The following ZBTB2 variants were observed in gnomAD, a reference collection of about 807,000 sequenced individuals.
ZBTB2 encodes zinc finger and BTB domain-containing protein 2.
Under a neutral mutation model 39.5 loss-of-function variants are expected in ZBTB2, and 2 were observed. The observed-to-expected ratio is 0.05, with a 90% CI of 0.02 to 0.16. The LOEUF (loss-of-function observed/expected upper bound fraction) is 0.16, where lower values mean the gene tolerates loss of function less well. Among genes scored for constraint, ZBTB2 ranks in the 10% least tolerant of loss-of-function variants. ZBTB2 has a pLI of 1.00. For synonymous variants in ZBTB2, 251 were observed against 256.6 expected (o/e 0.98, Z 0.21); for missense variants, 391 against 653.0 (o/e 0.60, Z 4.37).
intron 1 of ZBTB2, among the ~76,000 whole-genome samples, chr6:151,374,025 C>T (rs569464168): frequency 6.6e-6 from 1 of 152,084 alleles, no homozygotes; most frequent in South Asian, 2.1e-4. Context: ...CTTGGACCAT[C>T]GAGTCTTTTA....
intron 1 of ZBTB2, among the ~76,000 whole-genome samples, chr6:151,390,424 C>G (rs1253741022): frequency 1.3e-5 from 2 of 150,442 alleles, no homozygotes; most frequent in Admixed American, 1.3e-4. Context: ...ACGCTCGCCG[C>G]TTCCCTCAGT....
intron 1 of ZBTB2, among the ~76,000 whole-genome samples, chr6:151,389,484 C>G (rs977671150): frequency 2.6e-5 from 4 of 152,190 alleles, no homozygotes; most frequent in Non-Finnish European, 4.4e-5. Flanking sequence ...TACAACTCGC[C>G]CTGGTGCTCC....
At chr6:151,377,415 C>T (rs1778937789) in intron 1 of ZBTB2, among the ~76,000 whole-genome samples, 1 of 149,976 alleles carries the variant, frequency 6.7e-6, no homozygotes, top group African/African-American at 2.5e-5. Flanking sequence ...GTTGCCCAGG[C>T]TGGAGTGCAA....
intron 1 of ZBTB2, among the ~76,000 whole-genome samples, chr6:151,390,750 ATCCCTCCCCTCCCCCTCCCTCC>A (rs1204462525): frequency 3.3e-5 from 5 of 150,442 alleles, no homozygotes; most frequent in African/African-American, 4.9e-5. Context: ...GTCGGACCGG[ATCCCTCCCCTCCCCCTCCCTCC>A]TCCCTCCCCT....
intron 2 of ZBTB2, among the ~76,000 whole-genome samples, chr6:151,367,915 G>A (rs923713932): frequency 1.3e-4 from 20 of 152,080 alleles, no homozygotes; most frequent in African/African-American, 4.6e-4. Flanking sequence ...CCAGACCATC[G>A]GTAGTAACAA....
intron 1 of ZBTB2, among the ~76,000 whole-genome samples, chr6:151,378,986 T>C (rs542270751): frequency 1.3e-5 from 2 of 152,336 alleles, no homozygotes; most frequent in East Asian, 3.9e-4. Flanking sequence ...ACCAGTACAT[T>C]CAATAAGTAG....
chr6:151,385,675 A>AT (rs1279848630), intron 1 of ZBTB2, among the ~76,000 whole-genome samples: 2 of 152,202 alleles, frequency 1.3e-5, no homozygotes, highest in African/African-American at 4.8e-5. Flanking sequence ...GAATATTGTA[A>AT]TTCAAAGGAC....
Position 151,365,203 on chromosome 6 carries a change from G to T in ZBTB2, c.*318C>A. ...AGTCATAATTTTAGCTTACCAAATT[G>T]GATTCCAGTTGTTTTATTATATACC... is the stretch of plus-strand genomic sequence containing the variant. On this transcript the variant is annotated 3_prime_UTR_variant, in exon 3 of 3. Coordinates refer to ENST00000325144, the MANE Select transcript of ZBTB2 (RefSeq NM_020861.3). The surrounding 1 kb of genome is among the most constrained non-coding windows in gnomAD (Gnocchi z 5.6). 4.8e-6 allele frequency: 1 copy of T among 209,360 alleles called. No homozygotes were observed. Among genetic ancestry groups the T allele is most frequent in the Non-Finnish European group, 9.7e-6 (1 of 102,958 alleles). 13.0% of individuals were successfully genotyped at this position (209,360 alleles called of 1,614,324 possible).
chr6:151,386,958 G>A (rs906219811), intron 1 of ZBTB2, among the ~76,000 whole-genome samples: 2 of 152,160 alleles, frequency 1.3e-5, no homozygotes, highest in African/African-American at 4.8e-5. Flanking sequence ...ATAACAAAGT[G>A]GTGTCTTTTT....
rs1266667865 is a variant in ZBTB2, at chr6:151,365,515, T to C, written c.*6A>G. The C allele has an allele frequency of 6.3e-7, 1 of 1,588,312 alleles. No individual in the cohort carries two copies. Among genetic ancestry groups the C allele is most frequent in the Admixed American group, 1.9e-5 (1 of 54,024 alleles). The stretch of plus-strand genomic sequence containing the variant: ...AATGAGAGTTTTTTAAAAAGATAAG[T>C]GACATTCAGTCTAGTAAGACGGTTT... On this transcript the variant is annotated 3_prime_UTR_variant, in exon 3 of 3. Transcript: ENST00000325144. The surrounding 1 kb of genome is among the most constrained non-coding windows in gnomAD (Gnocchi z 5.6).
intron 1 of ZBTB2, among the ~76,000 whole-genome samples, chr6:151,385,246 T>G (rs117679558): frequency 3.1e-3 from 472 of 152,322 alleles, no homozygotes; most frequent in Admixed American, 5.3e-3. Context: ...GACATACTCA[T>G]GTTGAAAAAA....
chr6:151,384,586 ACTT>A (rs1282057131), intron 1 of ZBTB2, among the ~76,000 whole-genome samples: 4 of 152,080 alleles, frequency 2.6e-5, no homozygotes, highest in African/African-American at 9.7e-5. Flanking sequence ...GACTTCCTAG[ACTT>A]CTTATTTGTA....
intron 1 of ZBTB2, among the ~76,000 whole-genome samples, chr6:151,380,911 C>T (rs1171286970): frequency 1.3e-5 from 2 of 152,160 alleles, no homozygotes; most frequent in Admixed American, 1.3e-4. Context: ...TCCCTGTCCT[C>T]TCACTGCCAT....
intron 1 of ZBTB2, among the ~76,000 whole-genome samples, chr6:151,390,128 C>A (rs1490688421): frequency 1.3e-5 from 2 of 152,026 alleles, no homozygotes; most frequent in African/African-American, 4.8e-5. Context: ...GCGCGTCGGG[C>A]GGAAGCTGGA....
intron 1 of ZBTB2, among the ~76,000 whole-genome samples, chr6:151,373,870 A>AAAAAAAAAAAAAAAAAAAAAAACAAAAC (rs1778843577): frequency 7.3e-5 from 9 of 123,562 alleles, no homozygotes; most frequent in African/African-American, 2.8e-4. Flanking sequence ...AAAAAAAAAA[A>AAAAAAAAAAAAAAAAAAAAAAACAAAAC]AAAAAAACCA....
Position 151,381,743 on chromosome 6 carries a change from T to A in ZBTB2, c.-12-8094A>T, listed in dbSNP as rs946761902. Reference sequence around the variant, plus strand: ...ACAGACGTACTAAAAACAACAAACCTCTAAACTAGGGTCCAACAGAGTGTT... The same window carrying A: ...ACAGACGTACTAAAAACAACAAACCACTAAACTAGGGTCCAACAGAGTGTT... On this transcript the variant is annotated intron_variant, in intron 1 of 2. Transcript: ENST00000325144. 3.9e-5 allele frequency among the ~76,000 whole-genome samples: 6 copies of A among 152,150 alleles called. No individual in the cohort carries two copies. The East Asian group carries it at 7.7e-4, about 20-fold the overall frequency.
intron 1 of ZBTB2, among the ~76,000 whole-genome samples, 194 bp from the exon 2 acceptor site, chr6:151,373,843 T>G (rs1212607290): frequency 2.2e-5 from 1 of 45,958 alleles, no homozygotes; most frequent in Non-Finnish European, 4.5e-5. Flanking sequence ...ATTATGCCTT[T>G]AAAAAAAAAA....
At chr6:151,377,542 T>TG (rs1778942025) in intron 1 of ZBTB2, among the ~76,000 whole-genome samples, 1 of 144,196 alleles carries the variant, frequency 6.9e-6, no homozygotes, top group African/African-American at 2.6e-5. Flanking sequence ...CTAATTTTTT[T>TG]TTTTTTTTTT....
intron 2 of ZBTB2, among the ~76,000 whole-genome samples, chr6:151,372,325 G>A (rs375867957): frequency 1.3e-5 from 2 of 152,156 alleles, no homozygotes; most frequent in African/African-American, 4.8e-5. Context: ...ATGAAGGAGG[G>A]GAGGAAACCA....
Sources: allele counts gnomAD v4.1 joint callset (sites outside exome capture counted in the v4.1 genomes callset), GRCh38; gene constraint gnomAD v4.1.1; non-coding constraint Gnocchi (gnomAD v3.1); transcripts MANE v1.5; gene names NCBI Gene and HGNC (gene_info 2026-07-23, HGNC 2026-07-21).